Variants in INSL6 observed in about 807,000 individuals in gnomAD.
INSL6 encodes the protein insulin-like peptide INSL6.
A neutral mutation model predicts 9.4 loss-of-function variants in INSL6; 16 were observed. That is an observed-to-expected ratio of 1.70 (90% CI 1.15 to 2.59). INSL6 has a LOEUF of 2.59. Ranked by LOEUF, INSL6 falls within the 30% of genes most tolerant of loss-of-function variation. The pLI, the probability that INSL6 is intolerant of heterozygous loss-of-function variation, is 0.00. For synonymous variants in INSL6, 154 were observed against 96.9 expected (o/e 1.59, Z -3.46); for missense variants, 391 against 257.3 (o/e 1.52, Z -3.56).
At chr9:5,049,762 G>A in the INSL6 span, among the ~76,000 whole-genome samples, 3 of 152,110 alleles carry the variant, frequency 2.0e-5, no homozygotes, top group African/African-American at 7.2e-5. Context: ...ATCATGTATT[G>A]TACTTATACA....
the INSL6 span, chr9:5,097,655 T>C: frequency 6.6e-6 from 1 of 152,220 alleles, no homozygotes; most frequent in Non-Finnish European, 1.5e-5. Context: ...GGTGGTAACA[T>C]CAAATGATCT....
chr9:5,050,816 T>C, the INSL6 span: 39 of 1,613,234 alleles, frequency 2.4e-5, no homozygotes, highest in Non-Finnish European at 3.2e-5. Flanking sequence ...CCACTGGCCA[T>C]CTATAACTCT....
the INSL6 span, among the ~76,000 whole-genome samples, chr9:5,023,867 G>A: frequency 6.7e-6 from 1 of 150,006 alleles, no homozygotes; most frequent in Non-Finnish European, 1.5e-5. Context: ...TGATCCTTTA[G>A]CTTATAGTAA....
chr9:5,128,737 G>A (rs1051351464), intron 3 of INSL6, among the ~76,000 whole-genome samples: 8 of 151,790 alleles, frequency 5.3e-5, no homozygotes, highest in African/African-American at 1.7e-4. Context: ...TTGAGGCTTC[G>A]TAAAGTTTTC....
exon 3 of INSL6, chr9:5,133,523 T>G (rs2130880926): frequency 6.5e-6 from 1 of 154,604 alleles, no homozygotes; most frequent in Non-Finnish European, 1.4e-5. Flanking sequence ...TCTTTGCTGT[T>G]CTGCAGCCTC....
chr9:5,091,111 C>T, the INSL6 span: 5 of 438,960 alleles, frequency 1.1e-5, no homozygotes, highest in Admixed American at 4.1e-5. Context: ...TGCTTTATTT[C>T]TATTAAGTGT....
At chr9:5,126,569 CTG>C (rs1227233841) in intron 3 of INSL6, 5 of 929,746 alleles carry the variant, frequency 5.4e-6, no homozygotes, top group Non-Finnish European at 8.3e-6. Context: ...AATCAGATGA[CTG>C]TGGAACAAGG....
intron 3 of INSL6, chr9:5,126,745 A>T: frequency 6.2e-7 from 1 of 1,611,164 alleles, no homozygotes; most frequent in Non-Finnish European, 8.5e-7. Flanking sequence ...TCCTTTAGGG[A>T]TCTAGCTCTT....
chr9:5,101,304 C>G, the INSL6 span, among the ~76,000 whole-genome samples: 4 of 152,338 alleles, frequency 2.6e-5, no homozygotes, highest in South Asian at 4.1e-4. Context: ...AAGATCCACC[C>G]GTGAGGCAGC....
chr9:5,028,697 T>C, the INSL6 span, among the ~76,000 whole-genome samples: 1 of 152,240 alleles, frequency 6.6e-6, no homozygotes, highest in African/African-American at 2.4e-5. Flanking sequence ...CAACACTTGC[T>C]GCTTCACCTT....
At chr9:5,102,765 C>A in the INSL6 span, among the ~76,000 whole-genome samples, 1 of 152,164 alleles carries the variant, frequency 6.6e-6, no homozygotes, top group Non-Finnish European at 1.5e-5. Context: ...AAAGACTTTT[C>A]AACCCAGAAT....
chr9:5,007,751 ACT>A, the INSL6 span, among the ~76,000 whole-genome samples: 1 of 150,262 alleles, frequency 6.7e-6, no homozygotes. Flanking sequence ...GTGGAGTCTC[ACT>A]CTGTCACCCA....
chr9:5,082,157 G>GT, the INSL6 span, among the ~76,000 whole-genome samples: 1 of 152,184 alleles, frequency 6.6e-6, no homozygotes, highest in Non-Finnish European at 1.5e-5. Context: ...CAGGGGACCA[G>GT]TGCTCAGCAT....
At chr9:5,002,453 G>T in the INSL6 span, among the ~76,000 whole-genome samples, 1 of 151,812 alleles carries the variant, frequency 6.6e-6, no homozygotes, top group Admixed American at 6.6e-5. Flanking sequence ...ATAGTTTTTT[G>T]ATATTTATTT....
intron 2 of INSL6, among the ~76,000 whole-genome samples, chr9:5,144,483 G>C (rs1305865288): frequency 6.6e-6 from 1 of 151,938 alleles, no homozygotes; most frequent in South Asian, 2.1e-4. Flanking sequence ...CTGTTGTTTC[G>C]GGGTATCTAT....
At chr9:5,110,772 A>AGTG in the INSL6 span, 9 of 389,608 alleles carry the variant, frequency 2.3e-5, no homozygotes, top group Middle Eastern at 1.7e-3. Flanking sequence ...GCCATGCAGG[A>AGTG]GTGGTAAGGG....
At chr9:5,138,917 AT>A (rs111396397) in intron 2 of INSL6, among the ~76,000 whole-genome samples, 49,807 of 151,778 alleles carry the variant, frequency 0.33, 8,438 homozygotes, top group African/African-American at 0.42. Flanking sequence ...AAAAATAAAT[AT>A]AATAATCCTC....
chr9:5,159,765 T>A (rs554591999), downstream of INSL6, among the ~76,000 whole-genome samples: 1 of 152,188 alleles, frequency 6.6e-6, no homozygotes, highest in Non-Finnish European at 1.5e-5. Context: ...CAAAGAAACA[T>A]TGGACTTAAT....
the INSL6 span, among the ~76,000 whole-genome samples, chr9:5,076,352 T>C: frequency 6.6e-6 from 1 of 152,124 alleles, no homozygotes; most frequent in African/African-American, 2.4e-5. Flanking sequence ...CTGCAGTGAA[T>C]TTCATTGTTG....
Sources: gnomAD v4.1 joint callset for allele counts (sites outside exome capture counted in the v4.1 genomes callset) on GRCh38, gnomAD v4.1.1 for gene constraint, MANE v1.5 for transcripts, NCBI Gene and HGNC (gene_info 2026-07-23, HGNC 2026-07-21) for gene names.